Variants in BMPR1B observed in about 807,000 individuals in gnomAD.
BMPR1B encodes the protein bone morphogenetic protein receptor type 1B.
Under a neutral mutation model 59.1 loss-of-function variants are expected in BMPR1B, and 12 were observed. The ratio of observed to expected loss-of-function variants is 0.20; its 90% confidence interval spans 0.13 to 0.33. The LOEUF (loss-of-function observed/expected upper bound fraction) is 0.33, where lower values mean the gene tolerates loss of function less well. BMPR1B is among the 10% of genes least tolerant of loss of function. The pLI is 1.00. For synonymous variants in BMPR1B, 237 were observed against 207.3 expected, an observed-to-expected ratio of 1.14 and a Z score of -1.23; for missense variants, 550 against 610.9, an observed-to-expected ratio of 0.90 and a Z score of 1.05.
intron 3 of BMPR1B, among the ~76,000 whole-genome samples, chr4:95,056,282 A>T (rs1726922309): frequency 6.6e-6 from 1 of 152,132 alleles, no homozygotes; most frequent in Non-Finnish European, 1.5e-5. Flanking sequence ...CATAAGGATG[A>T]TCTTGTGACT....
At chr4:95,089,029 G>A (rs1216550831) in intron 3 of BMPR1B, among the ~76,000 whole-genome samples, 3 of 152,122 alleles carry the variant, frequency 2.0e-5, no homozygotes, top group Non-Finnish European at 4.4e-5. Flanking sequence ...TTTGACTGAA[G>A]TGGCCATTAA....
intron 4 of BMPR1B, among the ~76,000 whole-genome samples, chr4:95,109,988 T>C (rs551967906): frequency 6.6e-5 from 10 of 151,362 alleles, no homozygotes; most frequent in Admixed American, 5.3e-4. Flanking sequence ...TAAATTCACA[T>C]ATGGAGGCTT....
At chr4:94,978,007 T>A (rs1023800) in intron 2 of BMPR1B, among the ~76,000 whole-genome samples, 145,532 of 152,296 alleles carry the variant, frequency 0.96, 69,565 homozygotes, top group Middle Eastern at 0.99. Context: ...AAGAATCTCT[T>A]CCTTCCAATA....
chr4:94,782,929 T>G (rs1722636842), intron 1 of BMPR1B, among the ~76,000 whole-genome samples: 1 of 152,168 alleles, frequency 6.6e-6, no homozygotes, highest in Non-Finnish European at 1.5e-5. Context: ...TGGAATCTGC[T>G]TCCCTCCACT....
intron 1 of BMPR1B, among the ~76,000 whole-genome samples, chr4:94,782,341 T>G (rs1400141028): frequency 7.6e-6 from 1 of 131,508 alleles, no homozygotes; most frequent in African/African-American, 2.9e-5. Context: ...TTTTTTTTTT[T>G]GTCACCCAGG....
At chr4:94,996,634 G>A (rs1367747218) in intron 3 of BMPR1B, among the ~76,000 whole-genome samples, 1 of 152,168 alleles carries the variant, frequency 6.6e-6, no homozygotes, top group Non-Finnish European at 1.5e-5. Flanking sequence ...ATTTGCCAGT[G>A]CACTGAAGTG....
At chr4:95,098,101 G>A (rs1730560616) in intron 3 of BMPR1B, among the ~76,000 whole-genome samples, 1 of 152,040 alleles carries the variant, frequency 6.6e-6, no homozygotes, top group Non-Finnish European at 1.5e-5. Flanking sequence ...ATGTGAGAAA[G>A]TACATTCTTA....
chr4:94,902,857 C>G (rs1281565561), intron 2 of BMPR1B, among the ~76,000 whole-genome samples: 1 of 151,900 alleles, frequency 6.6e-6, no homozygotes, highest in African/African-American at 2.4e-5. Context: ...GAAATGTTTT[C>G]TTTGTTTTGC....
At chr4:94,861,719 A>G (rs1310287447) in intron 1 of BMPR1B, among the ~76,000 whole-genome samples, 2 of 152,216 alleles carry the variant, frequency 1.3e-5, no homozygotes, top group Non-Finnish European at 2.9e-5. Flanking sequence ...GAGATTACCC[A>G]ATAAACACAT....
At chr4:94,802,553 A>G (rs1269912051) in intron 1 of BMPR1B, among the ~76,000 whole-genome samples, 1 of 152,210 alleles carries the variant, frequency 6.6e-6, no homozygotes, top group Non-Finnish European at 1.5e-5. Flanking sequence ...GAGTTTACTT[A>G]AGTACATTGC....
At chr4:94,859,917 C>G (rs1352759479) in intron 1 of BMPR1B, among the ~76,000 whole-genome samples, 1 of 152,038 alleles carries the variant, frequency 6.6e-6, no homozygotes, top group African/African-American at 2.4e-5. Flanking sequence ...TCTTCCTTTT[C>G]CTGGGTCTCC....
At chr4:94,834,224 T>G (rs994522511) in intron 1 of BMPR1B, among the ~76,000 whole-genome samples, 1 of 152,160 alleles carries the variant, frequency 6.6e-6, no homozygotes, top group African/African-American at 2.4e-5. Context: ...CTGAGGCAGT[T>G]GCCTGTAGGA....
intron 3 of BMPR1B, among the ~76,000 whole-genome samples, chr4:95,079,251 T>C (rs1037196958): frequency 2.6e-5 from 4 of 152,208 alleles, no homozygotes; most frequent in African/African-American, 9.6e-5. Flanking sequence ...ACGGTGTTTG[T>C]TCCTTTTGTC....
At chr4:95,107,130 A>G (rs901694860) in intron 4 of BMPR1B, among the ~76,000 whole-genome samples, 11 of 152,134 alleles carry the variant, frequency 7.2e-5, no homozygotes, top group African/African-American at 1.2e-4. Context: ...TAATAGAACA[A>G]TCTACCAGTG....
chr4:94,942,331 A>G (rs1019160865), intron 2 of BMPR1B, among the ~76,000 whole-genome samples: 4 of 152,206 alleles, frequency 2.6e-5, no homozygotes, highest in African/African-American at 9.6e-5. Context: ...AGTAAACAAC[A>G]TGTCTTTATA....
rs891931808 is a variant in BMPR1B at position 94,839,706 on chromosome 4, C to G, written c.-182-36125C>G. ...TGCAGCACACTGATGGGTCTTGACT[C>G]TTTATCCAATTTGCCAGTCTATGTC... On this transcript the variant is annotated intron_variant, in intron 1 of 12. Coordinates refer to ENST00000515059, the MANE Select transcript of BMPR1B (RefSeq NM_001203.3). Among the ~76,000 whole-genome samples the G allele has an allele frequency of 8.8e-4, 122 of 139,386 alleles. 1 individual carries two copies. The highest frequency in any genetic ancestry group is 1.1e-3 in the Non-Finnish European group (69 of 63,038). The allele number at this position is 139,386 out of a possible 152,430, so 91.4% of individuals were successfully genotyped here.
chr4:94,965,054 C>T (rs1730504606), intron 2 of BMPR1B, among the ~76,000 whole-genome samples: 1 of 152,116 alleles, frequency 6.6e-6, no homozygotes, highest in Middle Eastern at 3.2e-3. Flanking sequence ...TTGTCCACAG[C>T]ACATAAACTA....
At chr4:95,126,217 G>A (rs6826261) in intron 8 of BMPR1B, among the ~76,000 whole-genome samples, 15,812 of 152,080 alleles carry the variant, frequency 0.1, 2,023 homozygotes, top group African/African-American at 0.3. Flanking sequence ...GTCCTCTTTG[G>A]GGTAGAGGTT....
chr4:94,951,180 G>C (rs1416653571), intron 2 of BMPR1B, among the ~76,000 whole-genome samples: 3 of 152,194 alleles, frequency 2.0e-5, no homozygotes, highest in South Asian at 2.1e-4. Flanking sequence ...GGGCTCAGAT[G>C]ATGGGGTTTT....
Sources: gnomAD v4.1 joint callset for allele counts (sites outside exome capture counted in the v4.1 genomes callset) on GRCh38, gnomAD v4.1.1 for gene constraint, MANE v1.5 for transcripts, NCBI Gene and HGNC (gene_info 2026-07-23, HGNC 2026-07-21) for gene names.